SLC9A9: variants seen among roughly 807,000 people sequenced by gnomAD.
SLC9A9 encodes sodium/hydrogen exchanger 9.
SLC9A9 carries 62 observed loss-of-function variants against 77.8 expected under a neutral mutation model. The observed-to-expected ratio is 0.80, with a 90% CI of 0.65 to 0.98. The LOEUF (loss-of-function observed/expected upper bound fraction) is 0.98. Among genes scored for constraint, SLC9A9 ranks in the 50% least tolerant of loss-of-function variants. The pLI, the probability that SLC9A9 is intolerant of heterozygous loss-of-function variation, is 0.00. For missense variants in SLC9A9, 775 were observed against 774.9 expected (o/e 1.00, Z 0.00); for synonymous variants, 320 against 283.5 (o/e 1.13, Z -1.29).
intron 4 of SLC9A9, among the ~76,000 whole-genome samples, chr3:143,742,785 A>G (rs1935104109): frequency 6.6e-6 from 1 of 152,210 alleles, no homozygotes; most frequent in Admixed American, 6.5e-5. Flanking sequence ...GTACAAAATT[A>G]GTGTAAGATG....
intron 2 of SLC9A9, among the ~76,000 whole-genome samples, chr3:143,831,085 T>G (rs1272801839): frequency 6.6e-6 from 1 of 151,890 alleles, no homozygotes; most frequent in African/African-American, 2.4e-5. Context: ...ACCAAGTACC[T>G]CCCCTTCTGT....
At chr3:143,686,626 C>T (rs1933274857) in intron 5 of SLC9A9, among the ~76,000 whole-genome samples, 1 of 152,066 alleles carries the variant, frequency 6.6e-6, no homozygotes, top group Non-Finnish European at 1.5e-5. Flanking sequence ...CTTTACACAC[C>T]TTAAGGACTC....
intron 8 of SLC9A9, among the ~76,000 whole-genome samples, chr3:143,566,903 A>T (rs1006098405): frequency 4.6e-5 from 7 of 152,084 alleles, no homozygotes; most frequent in African/African-American, 1.7e-4. Flanking sequence ...TTTTCAAACA[A>T]CCTGTCCAGC....
chr3:143,763,469 G>T (rs548170015), intron 4 of SLC9A9, among the ~76,000 whole-genome samples: 3 of 152,232 alleles, frequency 2.0e-5, no homozygotes, highest in East Asian at 3.9e-4. Flanking sequence ...TTTTGTCACT[G>T]TGATTTTAAA....
At chr3:143,656,752 G>C (rs1403167412) in intron 5 of SLC9A9, among the ~76,000 whole-genome samples, 7 of 152,074 alleles carry the variant, frequency 4.6e-5, no homozygotes, top group Non-Finnish European at 1.0e-4. Context: ...GCTCTCTATG[G>C]TTTTCTGTGC....
intron 6 of SLC9A9, 144 bp downstream of exon 6, chr3:143,652,111 G>T: frequency 3.0e-6 from 2 of 677,244 alleles, no homozygotes; most frequent in Non-Finnish European, 2.6e-6. Context: ...CTAATGAATT[G>T]TGCCCATTAT....
chr3:143,801,255 C>A (rs1316868139), intron 2 of SLC9A9, among the ~76,000 whole-genome samples: 2 of 152,292 alleles, frequency 1.3e-5, no homozygotes, highest in Admixed American at 6.5e-5. Flanking sequence ...GCCCTGTAGA[C>A]CTTTTGTCCA....
At chr3:143,504,210 C>T in intron 9 of SLC9A9, 1 of 301,402 alleles carries the variant, frequency 3.3e-6, no homozygotes, top group Non-Finnish European at 6.5e-6. Context: ...GATTTAAAAG[C>T]AGCACTAGTG....
At chr3:143,563,123 A>G (rs2037114573) in intron 8 of SLC9A9, among the ~76,000 whole-genome samples, 1 of 152,028 alleles carries the variant, frequency 6.6e-6, no homozygotes, top group Non-Finnish European at 1.5e-5. Flanking sequence ...GTTTTGAAAA[A>G]CCACAAAGAG....
At chr3:143,702,998 G>C (rs1440657917) in intron 4 of SLC9A9, among the ~76,000 whole-genome samples, 1 of 152,018 alleles carries the variant, frequency 6.6e-6, no homozygotes, top group Non-Finnish European at 1.5e-5. Context: ...AATGATAAAG[G>C]AGTAAATTTA....
chr3:143,488,671 G>A (rs1249151375), intron 11 of SLC9A9, among the ~76,000 whole-genome samples: 2 of 151,688 alleles, frequency 1.3e-5, no homozygotes, highest in Non-Finnish European at 3.0e-5. Context: ...AATTGATGCA[G>A]AAACATCATT....
intron 6 of SLC9A9, among the ~76,000 whole-genome samples, chr3:143,591,505 T>C (rs16853885): frequency 0.095 from 14,498 of 151,974 alleles, 1,257 homozygotes; most frequent in African/African-American, 0.23. Context: ...TCCTCTCTGG[T>C]ATTAGCTCTT....
At chr3:143,770,082 G>A (rs530017750) in intron 4 of SLC9A9, among the ~76,000 whole-genome samples, 69 of 152,044 alleles carry the variant, frequency 4.5e-4, no homozygotes, top group African/African-American at 1.6e-3. Flanking sequence ...TTGAATAGGA[G>A]GACTCAACCT....
chr3:143,527,215 G>C (rs1303214412), intron 9 of SLC9A9, among the ~76,000 whole-genome samples: 1 of 152,160 alleles, frequency 6.6e-6, no homozygotes, highest in Non-Finnish European at 1.5e-5. Flanking sequence ...TTCACAGATA[G>C]CATGTAATGT....
chr3:143,421,196 A>C (rs2108527605), intron 12 of SLC9A9, among the ~76,000 whole-genome samples: 1 of 152,276 alleles, frequency 6.6e-6, no homozygotes, highest in Admixed American at 6.5e-5. Context: ...AAATGGCCAA[A>C]GCAATCTACA....
chr3:143,620,130 A>C (rs138144790), intron 6 of SLC9A9, among the ~76,000 whole-genome samples: 1 of 152,286 alleles, frequency 6.6e-6, no homozygotes, highest in East Asian at 1.9e-4. Context: ...TGCAGGGAGA[A>C]TCCTACCTTT....
At chr3:143,815,609 T>C (rs1032227707) in intron 2 of SLC9A9, among the ~76,000 whole-genome samples, 1 of 151,952 alleles carries the variant, frequency 6.6e-6, no homozygotes, top group Non-Finnish European at 1.5e-5. Flanking sequence ...CTCACACCTG[T>C]AATCCCAGCT....
At chr3:143,414,969 GA>G (rs2034165896) in intron 12 of SLC9A9, among the ~76,000 whole-genome samples, 2 of 152,198 alleles carry the variant, frequency 1.3e-5, no homozygotes, top group Non-Finnish European at 2.9e-5. Context: ...GGAACACACC[GA>G]TGGCAAGAAA....
chr3:143,720,831 T>C (rs2108802415), intron 4 of SLC9A9, among the ~76,000 whole-genome samples: 1 of 143,038 alleles, frequency 7.0e-6, no homozygotes, highest in East Asian at 1.9e-4. Flanking sequence ...CCAGCCCATA[T>C]TGGCTGTCTA....
Sources: allele counts gnomAD v4.1 joint callset (sites outside exome capture counted in the v4.1 genomes callset), GRCh38; gene constraint gnomAD v4.1.1; transcripts MANE v1.5; gene names NCBI Gene and HGNC (gene_info 2026-07-23, HGNC 2026-07-21).